ROBO1: variants seen among roughly 807,000 people sequenced by gnomAD.
ROBO1 encodes roundabout homolog 1.
In ROBO1, 149 loss-of-function variants were observed where a neutral mutation model predicts 195.9. The observed-to-expected ratio is 0.76, with a 90% CI of 0.67 to 0.87. ROBO1 has a LOEUF of 0.87. Among genes scored for constraint, ROBO1 ranks in the 40% least tolerant of loss-of-function variants. The pLI is 0.00. For missense variants in ROBO1, 1,933 were observed against 2,068.3 expected (o/e 0.93, Z 1.27); for synonymous variants, 816 against 733.2 (o/e 1.11, Z -1.82).
intron 4 of ROBO1, among the ~76,000 whole-genome samples, chr3:78,754,441 T>A (rs1437869774): frequency 6.6e-6 from 1 of 152,196 alleles, no homozygotes; most frequent in African/African-American, 2.4e-5. Context: ...CAACTTTTTA[T>A]GTAGCCTTGC....
At chr3:79,029,638 G>A (rs1022568075) in intron 3 of ROBO1, among the ~76,000 whole-genome samples, 1 of 152,168 alleles carries the variant, frequency 6.6e-6, no homozygotes, top group Non-Finnish European at 1.5e-5. Context: ...GTGCTTTAAA[G>A]GTAGAAGCTA....
intron 2 of ROBO1, among the ~76,000 whole-genome samples, chr3:79,481,062 T>A (rs1214191794): frequency 6.6e-6 from 1 of 152,168 alleles, no homozygotes; most frequent in African/African-American, 2.4e-5. Flanking sequence ...ATTTATATTC[T>A]TGCTTGCTAC....
intron 2 of ROBO1, among the ~76,000 whole-genome samples, chr3:79,504,964 A>G (rs1940309530): frequency 1.3e-5 from 2 of 152,158 alleles, no homozygotes. Context: ...ATATGATTGT[A>G]ATAGAAGGTA....
intron 2 of ROBO1, among the ~76,000 whole-genome samples, chr3:79,577,947 A>C (rs1193006314): frequency 6.6e-6 from 1 of 151,864 alleles, no homozygotes; most frequent in Non-Finnish European, 1.5e-5. Flanking sequence ...AACCCAAAAA[A>C]CAAAAAACTC....
chr3:79,449,103 C>T (rs1575840069), intron 2 of ROBO1, among the ~76,000 whole-genome samples: 1 of 152,142 alleles, frequency 6.6e-6, no homozygotes, highest in East Asian at 1.9e-4. Context: ...TGGTGCCACA[C>T]ATCTATAATC....
At chr3:79,607,189 T>C (rs1944515406) in intron 1 of ROBO1, among the ~76,000 whole-genome samples, 1 of 151,332 alleles carries the variant, frequency 6.6e-6, no homozygotes, top group Admixed American at 6.6e-5. Context: ...TGGTGTGATT[T>C]TACTATATGG....
chr3:79,640,596 C>A lies in ROBO1; in HGVS notation c.-50-50635G>T, dbSNP rs375638398. ...CCATTCATTTCTTAAGGCCTGACTT[C>A]AATTTTATGTACCTCATACACTTCA... On this transcript the variant is annotated intron_variant, in intron 1 of 30. Coordinates refer to ENST00000464233, the MANE Select transcript of ROBO1 (RefSeq NM_002941.4). Among the ~76,000 whole-genome samples the A allele has an allele frequency of 1.6e-4, 25 of 152,242 alleles. 1 individual carries two copies. In the East Asian group the frequency reaches 3.5e-3, roughly 21 times the overall value.
At chr3:78,673,462 C>A (rs906501075) in intron 10 of ROBO1, among the ~76,000 whole-genome samples, 6 of 137,106 alleles carry the variant, frequency 4.4e-5, no homozygotes, top group Non-Finnish European at 9.3e-5. Flanking sequence ...GGTTACACTA[C>A]CTGTTATAAA....
chr3:78,788,850 A>T (rs1462446227), intron 4 of ROBO1, among the ~76,000 whole-genome samples: 1 of 152,168 alleles, frequency 6.6e-6, no homozygotes, highest in East Asian at 1.9e-4. Context: ...GATATCTCTA[A>T]TGTAGTGTAA....
chr3:79,718,284 G>A (rs1702567296), intron 1 of ROBO1, among the ~76,000 whole-genome samples: 1 of 151,900 alleles, frequency 6.6e-6, no homozygotes, highest in South Asian at 2.1e-4. Flanking sequence ...TTACTGTTAA[G>A]TACTTATATG....
At position 78,946,084 on chromosome 3, in the gene ROBO1, T is replaced by C. The variant is rs149947568; in HGVS notation, c.173-7157A>G. Among the ~76,000 whole-genome samples, 711 of 152,272 alleles carry C rather than the reference T, an allele frequency of 4.7e-3. 6 individuals are homozygous for C. Among genetic ancestry groups the C allele is most frequent in the African/African-American group, 0.016 (672 of 41,546 alleles). On this transcript the variant is annotated intron_variant, in intron 3 of 30. Transcript: ENST00000464233. ...AAGTGATGGGGAGAATGGAACCAAGTTGGAAAACACTCTGCAGGGTATTAT... is the reference window on the plus strand; with the variant it reads ...AAGTGATGGGGAGAATGGAACCAAGCTGGAAAACACTCTGCAGGGTATTAT...
At position 79,686,787 on chromosome 3, in the gene ROBO1, A is replaced by C. The variant is rs572910699; in HGVS notation, c.-51+80965T>G. Among the ~76,000 whole-genome samples the C allele has an allele frequency of 8.5e-5, 13 of 152,288 alleles. No homozygotes were observed. The East Asian group carries it at 2.5e-3, about 29-fold the overall frequency. On this transcript the variant is annotated intron_variant, in intron 1 of 30. Transcript: ENST00000464233. Reference sequence around the variant, plus strand: ...GAATCAATATCATGAAAATAGCCATACTGCCTAAGGTAATTTATAGATTGA... The same window carrying C: ...GAATCAATATCATGAAAATAGCCATCCTGCCTAAGGTAATTTATAGATTGA...
At chr3:78,973,601 C>T in intron 3 of ROBO1, among the ~76,000 whole-genome samples, 1 of 128,704 alleles carries the variant, frequency 7.8e-6, no homozygotes, top group African/African-American at 3.1e-5. Flanking sequence ...ATATATATAG[C>T]TTCTTAGGTT....
chr3:78,720,954 G>T (rs527776238), intron 5 of ROBO1, among the ~76,000 whole-genome samples: 16 of 150,988 alleles, frequency 1.1e-4, no homozygotes, highest in South Asian at 8.3e-4. Context: ...TGGGGTTGGG[G>T]GGGGGGCGGT....
chr3:78,947,172 C>T (rs1372793398), intron 3 of ROBO1, among the ~76,000 whole-genome samples: 2 of 152,104 alleles, frequency 1.3e-5, no homozygotes, highest in African/African-American at 2.4e-5. Flanking sequence ...ACCAAGCGGA[C>T]CTAATAGACA....
intron 2 of ROBO1, among the ~76,000 whole-genome samples, chr3:79,382,066 T>C (rs1376463610): frequency 6.6e-6 from 1 of 152,158 alleles, no homozygotes; most frequent in Non-Finnish European, 1.5e-5. Flanking sequence ...ACCTGAATTA[T>C]TGAATCTTTC....
intron 2 of ROBO1, among the ~76,000 whole-genome samples, chr3:79,222,506 A>T (rs1295718799): frequency 6.6e-6 from 1 of 152,056 alleles, no homozygotes; most frequent in Non-Finnish European, 1.5e-5. Flanking sequence ...AATATAACAT[A>T]AAATACCTTT....
chr3:79,031,590 C>T (rs541458752), intron 3 of ROBO1, among the ~76,000 whole-genome samples: 79 of 152,288 alleles, frequency 5.2e-4, no homozygotes, highest in African/African-American at 8.2e-4. Context: ...TTCTTAATAT[C>T]GCTAGCACCT....
intron 3 of ROBO1, among the ~76,000 whole-genome samples, chr3:79,000,952 C>A (rs895607052): frequency 3.3e-5 from 5 of 152,048 alleles, no homozygotes; most frequent in Non-Finnish European, 7.4e-5. Context: ...TATGAAAGAA[C>A]AAGTACATGT....
Sources: gnomAD v4.1 joint callset for allele counts (sites outside exome capture counted in the v4.1 genomes callset) on GRCh38, gnomAD v4.1.1 for gene constraint, MANE v1.5 for transcripts, NCBI Gene and HGNC (gene_info 2026-07-23, HGNC 2026-07-21) for gene names.